Variants in PCDHA2 observed in about 807,000 individuals in gnomAD.
PCDHA2 encodes the protein protocadherin alpha 2.
A neutral mutation model predicts 66.0 loss-of-function variants in PCDHA2; 58 were observed. The observed-to-expected ratio is 0.88, with a 90% CI of 0.71 to 1.09. The LOEUF is 1.09. Among genes scored for constraint, PCDHA2 ranks in the 50% least tolerant of loss-of-function variants. The pLI is 0.00. For synonymous variants in PCDHA2, 634 were observed against 554.0 expected, an observed-to-expected ratio of 1.14 and a Z score of -2.03; for missense variants, 1,267 against 1,242.3, an observed-to-expected ratio of 1.02 and a Z score of -0.30.
rs557764399 is a variant in PCDHA2, at chr5:140,865,245, G to A, written c.2388+67893G>A. On this transcript the variant is annotated intron_variant, in intron 1 of 3. Coordinates refer to ENST00000526136, the MANE Select transcript of PCDHA2 (RefSeq NM_018905.3). ...GGATCCCAGAGAACACGTATTTATA[G>A]CTGTAAGGATGTGTATCAAATTATA... The A allele has an allele frequency of 1.1e-3, 171 of 152,250 alleles. 2 individuals are homozygous for A. The highest frequency in any genetic ancestry group is 3.6e-3 in the African/African-American group (148 of 41,542). 9.4% of individuals were successfully genotyped at this position (152,250 alleles called of 1,614,324 possible).
intron 3 of PCDHA2, among the ~76,000 whole-genome samples, chr5:140,996,297 T>TGTAACAAAGTAAGGGG (rs2097720569): frequency 6.6e-6 from 1 of 152,196 alleles, no homozygotes; most frequent in Non-Finnish European, 1.5e-5. Context: ...AAGCACAGAT[T>TGTAACAAAGTAAGGGG]GTAACAAAGT....
intron 1 of PCDHA2, among the ~76,000 whole-genome samples, chr5:140,941,460 C>T (rs530075226): frequency 4.6e-4 from 69 of 151,184 alleles, no homozygotes; most frequent in African/African-American, 1.6e-3. Context: ...GGATTACAGG[C>T]GCCCACCACC....
rs1469484046 is a variant in PCDHA2 at position 141,010,169 on chromosome 5, C to G, written c.*232C>G. ...CTCCACTCTGGCTTGTTTTCAGAAC[C>G]TAAAAAGCAGACCCAAGTTTCCTTT... On this transcript the variant is annotated 3_prime_UTR_variant, in exon 4 of 4. Coordinates refer to ENST00000526136, the MANE Select transcript of PCDHA2 (RefSeq NM_018905.3). 6.4e-7 allele frequency: 1 copy of G among 1,560,124 alleles called. No homozygotes were observed. The highest frequency in any genetic ancestry group is 8.7e-7 in the Non-Finnish European group (1 of 1,151,276).
chr5:140,797,011 T>C lies in PCDHA2; in HGVS notation c.2047T>C (p.Trp683Arg), dbSNP rs1239145477. The part of the protein sequence containing the change: ...GQAPKASSRA[W>R]VGAAGSEATL... ...GGCACCCAAGGCCTCGTCGCGGGCGTGGGTGGGCGCCGCGGGCTCAGAGGC... is the reference window on the plus strand; with the variant it reads ...GGCACCCAAGGCCTCGTCGCGGGCGCGGGTGGGCGCCGCGGGCTCAGAGGC... The change falls in exon 1 of 4, where the codon TGG becomes CGG. Residue 683 changes from tryptophan to arginine, a missense_variant. Transcript: ENST00000526136. 1 of 1,613,518 alleles carries C rather than the reference T, an allele frequency of 6.2e-7. No homozygotes were observed. Among genetic ancestry groups the C allele is most frequent in the Non-Finnish European group, 8.5e-7 (1 of 1,179,964 alleles).
chr5:140,870,748 A>G lies in PCDHA2; in HGVS notation c.2388+73396A>G, dbSNP rs782462608. ...CGTGCCGCCTCTGAGCAGCAACGTG[A>G]CGCTGCAGGTGTTCGTGCTGGACGA... On this transcript the variant is annotated intron_variant, in intron 1 of 3. Transcript: ENST00000526136. The G allele has an allele frequency of 1.9e-6, 3 of 1,613,510 alleles. No individual in the cohort carries two copies. In the South Asian group the frequency reaches 3.3e-5, roughly 18 times the overall value.
intron 1 of PCDHA2, among the ~76,000 whole-genome samples, chr5:140,931,298 AAG>A (rs2087432571): frequency 6.6e-6 from 1 of 152,144 alleles, no homozygotes; most frequent in African/African-American, 2.4e-5. Context: ...CTGTAACAAA[AAG>A]AGAGGAGAAT....
chr5:140,957,652 A>G (rs2095373583), intron 1 of PCDHA2, among the ~76,000 whole-genome samples: 1 of 152,132 alleles, frequency 6.6e-6, no homozygotes, highest in African/African-American at 2.4e-5. Flanking sequence ...TAAATATTCA[A>G]TCATGGAGTA....
chr5:140,850,271 G>A, intron 1 of PCDHA2: 2 of 1,595,372 alleles, frequency 1.3e-6, no homozygotes, highest in Non-Finnish European at 1.7e-6. Context: ...TAGTGGTGGG[G>A]AAGGTGCGCG....
chr5:140,832,634 AG>A (rs1772087918), intron 1 of PCDHA2, among the ~76,000 whole-genome samples: 1 of 152,156 alleles, frequency 6.6e-6, no homozygotes, highest in Non-Finnish European at 1.5e-5. Context: ...AAAAGTTCCT[AG>A]GAGGGTCTTT....
chr5:140,848,680 G>C (rs2150417098), intron 1 of PCDHA2: 2 of 1,592,250 alleles, frequency 1.3e-6, no homozygotes, highest in African/African-American at 1.3e-5. Context: ...CTGGTGCCGC[G>C]CCTGTTCCAG....
At chr5:140,968,592 C>G (rs1554230905) in intron 1 of PCDHA2, 1 of 1,614,208 alleles carries the variant, frequency 6.2e-7, no homozygotes, top group African/African-American at 1.3e-5. Flanking sequence ...AAAGTCATAG[C>G]TATGGACTCA....
intron 1 of PCDHA2, among the ~76,000 whole-genome samples, chr5:140,908,581 G>A (rs2074042639): frequency 6.6e-6 from 1 of 152,178 alleles, no homozygotes; most frequent in Non-Finnish European, 1.5e-5. Context: ...AAGGAGAGTA[G>A]TTAGCTGCAG....
At chr5:140,822,835 C>A (rs1767446565) in intron 1 of PCDHA2, 1 of 1,614,198 alleles carries the variant, frequency 6.2e-7, no homozygotes, top group Non-Finnish European at 8.5e-7. Flanking sequence ...CATAACCACC[C>A]TTTTCCTGCC....
intron 1 of PCDHA2, chr5:140,809,117 C>A (rs142688560): frequency 2.5e-6 from 4 of 1,613,992 alleles, no homozygotes; most frequent in South Asian, 2.2e-5. Context: ...GGACGCTCCG[C>A]GCCACCGCCT....
chr5:140,854,718 A>G (rs1417789198), intron 1 of PCDHA2: 1 of 149,960 alleles, frequency 6.7e-6, no homozygotes, highest in Non-Finnish European at 1.5e-5. Flanking sequence ...AAAGACAGAA[A>G]ACTCAAGTTT....
In PCDHA2 at chr5:140,858,604, A is replaced by T. The variant is rs547814145; in HGVS notation, c.2388+61252A>T. 1.3e-3 allele frequency: 1,648 copies of T among 1,276,538 alleles called. 106 individuals carry two copies. The South Asian group carries it at 0.023, about 18-fold the overall frequency. 79.1% of individuals were successfully genotyped at this position (1,276,538 alleles called of 1,614,324 possible). ...TATAATTTATTCCAGGAGTTTTAAA[A>T]TTTTTTTATCCTACCCAGTGTGTCA... On this transcript the variant is annotated intron_variant, in intron 1 of 3. Transcript: ENST00000526136.
chr5:140,850,048 A>G (rs1554143688), intron 1 of PCDHA2: 1 of 1,596,376 alleles, frequency 6.3e-7, no homozygotes, highest in Admixed American at 1.7e-5. Flanking sequence ...GGCAAGGTGT[A>G]CGCGCTGCAG....
At chr5:140,933,630 C>T (rs2089281438) in intron 1 of PCDHA2, among the ~76,000 whole-genome samples, 1 of 151,952 alleles carries the variant, frequency 6.6e-6, no homozygotes, top group Admixed American at 6.6e-5. Flanking sequence ...TAGGCTGGCC[C>T]TGTTAAACAA....
intron 1 of PCDHA2, chr5:140,882,107 A>C: frequency 7.3e-7 from 1 of 1,367,220 alleles, no homozygotes; most frequent in Non-Finnish European, 9.8e-7. Flanking sequence ...TTCCGCGAAG[A>C]AAGCCGCCGT....
Sources: allele counts gnomAD v4.1 joint callset (sites outside exome capture counted in the v4.1 genomes callset), GRCh38; gene constraint gnomAD v4.1.1; transcripts MANE v1.5; gene names NCBI Gene and HGNC (gene_info 2026-07-23, HGNC 2026-07-21).